Variants in SPATA6 observed in about 807,000 individuals in gnomAD.
The protein encoded by SPATA6 is spermatogenesis associated 6, also known as spermatogenesis-associated protein 6.
Under a neutral mutation model 65.3 loss-of-function variants are expected in SPATA6, and 56 were observed. That is an observed-to-expected ratio of 0.86 (90% confidence interval 0.69 to 1.07). The LOEUF is 1.07. SPATA6 is among the 50% of genes least tolerant of loss of function. The pLI is 0.00. For missense variants in SPATA6, 590 were observed against 594.8 expected, an observed-to-expected ratio of 0.99 and a Z score of 0.08; for synonymous variants, 199 against 213.2, an observed-to-expected ratio of 0.93 and a Z score of 0.58.
chr1:48,313,350 C>T (rs1424157217), intron 11 of SPATA6, among the ~76,000 whole-genome samples: 2 of 152,170 alleles, frequency 1.3e-5, no homozygotes, highest in South Asian at 4.1e-4. Flanking sequence ...GATCTCTTGG[C>T]AGAAACTCTA....
At chr1:48,445,659 CAAAAAAAAAAAAA>C (rs10632587) in intron 3 of SPATA6, among the ~76,000 whole-genome samples, 9 of 51,284 alleles carry the variant, frequency 1.8e-4, no homozygotes, top group African/African-American at 4.8e-4. Context: ...GACTCTGTCT[CAAAAAAAAAAAAA>C]AAAAAAAAAA....
chr1:48,285,650 C>T, the SPATA6 span, among the ~76,000 whole-genome samples: 1 of 152,080 alleles, frequency 6.6e-6, no homozygotes, highest in Non-Finnish European at 1.5e-5. Context: ...ATGCACCGTT[C>T]CTCATGGCAC....
chr1:48,292,322 C>T (rs947535852), downstream of SPATA6, among the ~76,000 whole-genome samples: 1 of 152,162 alleles, frequency 6.6e-6, no homozygotes, highest in Non-Finnish European at 1.5e-5. Flanking sequence ...GGAGTGGTGG[C>T]ACAGGAGCTG....
chr1:48,471,403 G>GA (rs1658234279), intron 1 of SPATA6, among the ~76,000 whole-genome samples: 2 of 152,190 alleles, frequency 1.3e-5, no homozygotes, highest in South Asian at 4.1e-4. Context: ...CCCTGGGAGG[G>GA]AAGGCAAGGT....
intron 11 of SPATA6, among the ~76,000 whole-genome samples, chr1:48,337,506 G>A (rs950927980): frequency 6.6e-6 from 1 of 151,482 alleles, no homozygotes; most frequent in Non-Finnish European, 1.5e-5. Context: ...TACTATTTTA[G>A]AAACCCTAAA....
chr1:48,428,841 G>A (rs1371731412), intron 3 of SPATA6, among the ~76,000 whole-genome samples: 2 of 138,850 alleles, frequency 1.4e-5, no homozygotes, highest in East Asian at 4.1e-4. Flanking sequence ...ATATATATGT[G>A]TATATATATG....
At chr1:48,282,584 A>G in the SPATA6 span, among the ~76,000 whole-genome samples, 2 of 152,230 alleles carry the variant, frequency 1.3e-5, no homozygotes, top group Non-Finnish European at 2.9e-5. Flanking sequence ...ACATGAAAAA[A>G]TGCTCACCAT....
chr1:48,464,686 T>C (rs564083856), intron 1 of SPATA6, among the ~76,000 whole-genome samples: 3 of 152,308 alleles, frequency 2.0e-5, no homozygotes, highest in African/African-American at 7.2e-5. Flanking sequence ...AGATCATAGA[T>C]AGATATAGCT....
Position 48,472,008 on chromosome 1 carries a change from TC to T in SPATA6, c.-1del. 6.4e-7 allele frequency: 1 copy of T among 1,560,006 alleles called. No individual in the cohort carries two copies. The highest frequency in any genetic ancestry group is 8.6e-7 in the Non-Finnish European group (1 of 1,156,362). On this transcript the variant is annotated 5_prime_UTR_variant, in exon 1 of 13. Transcript: ENST00000371847. ...CACTGCAGCGCCTTCACCTTCGGCATCCGTGCGGGGAGGGGCGGCGGGGAGT... is the reference window on the plus strand; with the variant it reads ...CACTGCAGCGCCTTCACCTTCGGCATCGTGCGGGGAGGGGCGGCGGGGAGT...
At chr1:48,289,346 A>T in the SPATA6 span, among the ~76,000 whole-genome samples, 2 of 152,120 alleles carry the variant, frequency 1.3e-5, no homozygotes, top group Non-Finnish European at 2.9e-5. Flanking sequence ...CCATCTGTAC[A>T]TCACCATCAT....
chr1:48,298,859 C>G lies in SPATA6; in HGVS notation c.1321G>C (p.Asp441His). The G allele has an allele frequency of 6.2e-7, 1 of 1,613,478 alleles. No homozygotes were observed. Among genetic ancestry groups the G allele is most frequent in the Non-Finnish European group, 8.5e-7 (1 of 1,179,830 alleles). Residue 441 changes from aspartate to histidine, a missense_variant, in exon 13 of 13, where the codon GAT (aspartate) becomes CAT (histidine). Physicochemically the swap from Asp to His is moderately conservative, Grantham distance 81. Coordinates refer to ENST00000371847, the MANE Select transcript of SPATA6 (RefSeq NM_019073.4). ...CQQPRGTFHLDDGEYWSNRAA... is the reference protein window; with the variant it reads ...CQQPRGTFHLHDGEYWSNRAA... ...CTGTTGGACCAGTATTCACCGTCAT[C>G]CAAATGGAAAGTGCCACGTGGCTGC...
At chr1:48,380,509 G>A (rs1356387138) in intron 9 of SPATA6, among the ~76,000 whole-genome samples, 1 of 144,802 alleles carries the variant, frequency 6.9e-6, no homozygotes, top group Non-Finnish European at 1.5e-5. Context: ...AAATGGACCA[G>A]CCAACTTATA....
intron 9 of SPATA6, among the ~76,000 whole-genome samples, chr1:48,363,833 G>T (rs1646901554): frequency 6.7e-6 from 1 of 149,842 alleles, no homozygotes; most frequent in Non-Finnish European, 1.5e-5. Context: ...TAAGTTTTAG[G>T]GTACATGTGC....
At chr1:48,337,111 C>G (rs1015048072) in intron 11 of SPATA6, among the ~76,000 whole-genome samples, 1 of 151,750 alleles carries the variant, frequency 6.6e-6, no homozygotes, top group Non-Finnish European at 1.5e-5. Context: ...ACTTGCAGAC[C>G]AATCACTGTC....
chr1:48,433,385 A>G (rs1654585015), intron 3 of SPATA6, among the ~76,000 whole-genome samples: 1 of 152,178 alleles, frequency 6.6e-6, no homozygotes. Flanking sequence ...CTGGAACACA[A>G]ATATTAAGTT....
At chr1:48,409,414 CTGAG>C (rs1409472112) in intron 5 of SPATA6, among the ~76,000 whole-genome samples, 4 of 152,212 alleles carry the variant, frequency 2.6e-5, no homozygotes, top group South Asian at 2.1e-4. Flanking sequence ...CTGGTTGGCA[CTGAG>C]TGTCTGCAGT....
intron 1 of SPATA6, among the ~76,000 whole-genome samples, chr1:48,465,364 C>T (rs555811546): frequency 1.3e-5 from 2 of 152,224 alleles, no homozygotes; most frequent in Admixed American, 1.3e-4. Context: ...GAATAAATTT[C>T]TGTTGTTTTA....
At chr1:48,322,866 A>G (rs1222308806) in intron 11 of SPATA6, among the ~76,000 whole-genome samples, 1 of 152,250 alleles carries the variant, frequency 6.6e-6, no homozygotes, top group East Asian at 1.9e-4. Context: ...CAAAACCACA[A>G]TGAGATATCA....
chr1:48,270,218 T>C, the SPATA6 span, among the ~76,000 whole-genome samples: 1 of 152,148 alleles, frequency 6.6e-6, no homozygotes, highest in African/African-American at 2.4e-5. Flanking sequence ...CTCAGGTCAG[T>C]TAAAATAATT....
Sources: gnomAD v4.1 joint callset for allele counts (sites outside exome capture counted in the v4.1 genomes callset) on GRCh38, gnomAD v4.1.1 for gene constraint, MANE v1.5 for transcripts, NCBI Gene and HGNC (gene_info 2026-07-23, HGNC 2026-07-21) for gene names.